Variants in CREBBP observed in about 807,000 individuals in gnomAD.
CREBBP encodes the protein CREB-binding protein.
In CREBBP, 19 loss-of-function variants were observed where a neutral mutation model predicts 265.0. The observed-to-expected ratio is 0.07, with a 90% confidence interval of 0.05 to 0.11. The LOEUF (loss-of-function observed/expected upper bound fraction) is 0.11, where lower values mean the gene tolerates loss of function less well. Ranked by LOEUF, CREBBP falls within the 10% of genes least tolerant of loss-of-function variation. The pLI is 1.00. For synonymous variants in CREBBP, 1,457 were observed against 1,223.7 expected, an observed-to-expected ratio of 1.19 and a Z score of -3.98; for missense variants, 2,525 against 3,219.0, an observed-to-expected ratio of 0.78 and a Z score of 5.22.
chr16:3,790,397 G>A (rs9922416), intron 5 of CREBBP, among the ~76,000 whole-genome samples: 10,507 of 135,396 alleles, frequency 0.078, 1,157 homozygotes, highest in African/African-American at 0.25. Flanking sequence ...TTTTTGAGAC[G>A]GAGTTTCGCC....
In CREBBP at chr16:3,728,604, C is replaced by T. The variant is rs1293915714; in HGVS notation, c.6443G>A (p.Gly2148Asp). ...SLQNLNAMQA[G>D]VPRPGVPPQQ... ...TGGAGGCACACCGGGCCGCGGCACGCCAGCCTGCATGGCATTCAGGTTCTG... is the reference window on the plus strand; with the variant it reads ...TGGAGGCACACCGGGCCGCGGCACGTCAGCCTGCATGGCATTCAGGTTCTG... The change falls in exon 31 of 31, where the codon GGC (glycine) becomes GAC (aspartate). Residue 2148 changes from glycine (G) to aspartate (D), a missense_variant. Transcript: ENST00000262367. The surrounding 1 kb of genome is among the most constrained non-coding windows in gnomAD (Gnocchi z 8.7). 6.2e-7 allele frequency: 1 copy of T among 1,613,738 alleles called. No individual in the cohort carries two copies. Among genetic ancestry groups the T allele is most frequent in the South Asian group, 1.1e-5 (1 of 91,068 alleles).
chr16:3,769,083 G>C (rs932520525), intron 15 of CREBBP, 91 bp downstream of exon 15: 6 of 1,413,030 alleles, frequency 4.2e-6, no homozygotes, highest in Middle Eastern at 2.4e-4. Context: ...CTAAAGTCAG[G>C]GATACCCATG....
intron 2 of CREBBP, among the ~76,000 whole-genome samples, chr16:3,846,854 T>C (rs888175982): frequency 6.6e-6 from 1 of 152,226 alleles, no homozygotes; most frequent in Admixed American, 6.5e-5. Flanking sequence ...TGGTGAGAAT[T>C]TGGGAGAACC....
rs551018184 is a variant in CREBBP at position 3,852,035 on chromosome 16, C to CAAAAAA, written c.86-1032_86-1027dup. On this transcript the variant is annotated intron_variant, in intron 1 of 30. Transcript: ENST00000262367. Reference sequence around the variant, plus strand: ...CCTGGGCAACAGCGAGACTCCATCTCAAAAAAAAAAAAAAAAAAAAAAAAA... The same window carrying CAAAAAA: ...CCTGGGCAACAGCGAGACTCCATCTCAAAAAAAAAAAAAAAAAAAAAAAAAAAAAAA... 4.8e-3 allele frequency among the ~76,000 whole-genome samples: 54 copies of CAAAAAA among 11,200 alleles called. 15 individuals are homozygous for CAAAAAA. Among genetic ancestry groups the CAAAAAA allele is most frequent in the Non-Finnish European group, 5.1e-3 (29 of 5,672 alleles). 7.3% of individuals were successfully genotyped at this position (11,200 alleles called of 152,430 possible). A position where few individuals can be genotyped will look rare whatever the true frequency, so the allele number is the denominator to read the frequency against.
At chr16:3,797,683 A>AC (rs2053634975) in intron 3 of CREBBP, among the ~76,000 whole-genome samples, 3 of 152,038 alleles carry the variant, frequency 2.0e-5, no homozygotes, top group Admixed American at 2.0e-4. Flanking sequence ...AGAAAGTGAA[A>AC]CCCCAGATAA....
intron 16 of CREBBP, among the ~76,000 whole-genome samples, chr16:3,766,416 C>A (rs888922378): frequency 6.6e-6 from 1 of 152,154 alleles, no homozygotes; most frequent in African/African-American, 2.4e-5. Flanking sequence ...CCCTTAATAA[C>A]GCCACTATTC....
chr16:3,760,465 C>T (rs1324540318), intron 16 of CREBBP, among the ~76,000 whole-genome samples: 4 of 124,878 alleles, frequency 3.2e-5, no homozygotes, highest in African/African-American at 9.4e-5. Context: ...TGCAGTGGTA[C>T]GATCTCGGCT....
At chr16:3,757,742 T>A (rs2052620362) in intron 18 of CREBBP, 67 bp downstream of exon 18, 1 of 1,602,698 alleles carries the variant, frequency 6.2e-7, no homozygotes, top group African/African-American at 1.3e-5. Context: ...GGTCTCATAT[T>A]AGTATAACAC....
intron 16 of CREBBP, 68 bp from the exon 17 acceptor site, chr16:3,759,040 A>G: frequency 1.6e-6 from 2 of 1,242,102 alleles, no homozygotes; most frequent in Non-Finnish European, 2.4e-6. Flanking sequence ...CTCACATTTA[A>G]AACGGAATCC....
At chr16:3,871,791 C>T (rs9940938) in intron 1 of CREBBP, among the ~76,000 whole-genome samples, 1 of 152,100 alleles carries the variant, frequency 6.6e-6, no homozygotes, top group Non-Finnish European at 1.5e-5. Context: ...TACACAACTA[C>T]TTTTTCTCCT....
intron 1 of CREBBP, among the ~76,000 whole-genome samples, chr16:3,876,337 C>A (rs545482730): frequency 7.0e-6 from 1 of 141,900 alleles, no homozygotes; most frequent in African/African-American, 2.7e-5. Context: ...ACCACCCTGG[C>A]CTGCAATTTC....
At chr16:3,810,536 T>C (rs903047701) in intron 3 of CREBBP, 67 bp downstream of exon 3, 22 of 1,564,160 alleles carry the variant, frequency 1.4e-5, no homozygotes, top group Non-Finnish European at 1.8e-5. Flanking sequence ...ACTGTGAGAA[T>C]GGTAAAAATC....
In CREBBP at chr16:3,821,446, T is replaced by G. The variant is rs377701686; in HGVS notation, c.799-10667A>C. 5.9e-5 allele frequency among the ~76,000 whole-genome samples: 9 copies of G among 152,300 alleles called. No individual in the cohort carries two copies. In the South Asian group the frequency reaches 1.2e-3, roughly 21 times the overall value. On this transcript the variant is annotated intron_variant, in intron 2 of 30. Coordinates refer to ENST00000262367, the MANE Select transcript of CREBBP (RefSeq NM_004380.3). ...AAGGTCTTCCATCCCCACTGCCCAG[T>G]GACTGGGATTCCATAGCCCCGCACC...
chr16:3,733,544 A>G (rs976046968), intron 28 of CREBBP, among the ~76,000 whole-genome samples: 10 of 152,216 alleles, frequency 6.6e-5, no homozygotes, highest in Non-Finnish European at 2.9e-5. Context: ...CCGTGGCAGC[A>G]AATGTGCCAC....
At chr16:3,761,817 G>C (rs1233725162) in intron 16 of CREBBP, among the ~76,000 whole-genome samples, 1 of 152,226 alleles carries the variant, frequency 6.6e-6, no homozygotes, top group African/African-American at 2.4e-5. Context: ...TTTATGCACA[G>C]ACGAAGCAGC....
At chr16:3,879,259 C>CAA (rs1176426056) in intron 1 of CREBBP, among the ~76,000 whole-genome samples, 4 of 116,602 alleles carry the variant, frequency 3.4e-5, no homozygotes, top group East Asian at 5.5e-4. Flanking sequence ...CACACACACA[C>CAA]ACAAAACAAG....
chr16:3,849,458 T>TGTGTGTGTGTGTGTGTG (rs2054774492), intron 2 of CREBBP, among the ~76,000 whole-genome samples: 1 of 128,926 alleles, frequency 7.8e-6, no homozygotes, highest in African/African-American at 2.9e-5. Flanking sequence ...TGTGTGTGTG[T>TGTGTGTGTGTGTGTGTG]GTGTGTGTGT....
At chr16:3,794,769 T>C (rs558261198) in intron 3 of CREBBP, among the ~76,000 whole-genome samples, 1 of 152,342 alleles carries the variant, frequency 6.6e-6, no homozygotes, top group East Asian at 1.9e-4. Flanking sequence ...ATAAGCATTC[T>C]TCAGATAAAC....
At chr16:3,878,402 C>G (rs144971638) in intron 1 of CREBBP, among the ~76,000 whole-genome samples, 1 of 152,138 alleles carries the variant, frequency 6.6e-6, no homozygotes, top group East Asian at 1.9e-4. Flanking sequence ...TTTTATATAC[C>G]ATGAGCATCA....
Sources: gnomAD v4.1 joint callset for allele counts (sites outside exome capture counted in the v4.1 genomes callset) on GRCh38, gnomAD v4.1.1 for gene constraint, Gnocchi (gnomAD v3.1) non-coding constraint, MANE v1.5 for transcripts, NCBI Gene and HGNC (gene_info 2026-07-23, HGNC 2026-07-21) for gene names.